The following EXOC7 variants were observed in gnomAD, a reference collection of about 807,000 sequenced individuals.
The protein encoded by EXOC7 is exocyst complex component Exo70.
In EXOC7, 51 loss-of-function variants were observed where a neutral mutation model predicts 87.6. That is an observed-to-expected ratio of 0.58 (90% CI 0.46 to 0.73). EXOC7 has a LOEUF of 0.73. Among genes scored for constraint, EXOC7 ranks in the 30% least tolerant of loss-of-function variants. The probability of loss-of-function intolerance (pLI) is 0.00; values close to 1 mark genes in which losing one functional copy is unlikely to be tolerated. For missense variants in EXOC7, 744 were observed against 888.4 expected, an observed-to-expected ratio of 0.84 and a Z score of 2.07; for synonymous variants, 327 against 357.1, an observed-to-expected ratio of 0.92 and a Z score of 0.95.
chr17:76,098,090 G>A (rs1236673845), intron 4 of EXOC7, 72 bp from the exon 5 acceptor site: 8 of 1,361,174 alleles, frequency 5.9e-6, no homozygotes, highest in Non-Finnish European at 8.3e-6. Flanking sequence ...TCCCCTGCCT[G>A]TGCCAGCTCT....
At chr17:76,090,407 T>A in intron 7 of EXOC7, 1 of 1,551,672 alleles carries the variant, frequency 6.4e-7, no homozygotes, top group East Asian at 2.4e-5. Context: ...CCTGGCGAGA[T>A]GTCGGCCGCA....
chr17:76,086,250 G>A, intron 12 of EXOC7, 105 bp from the exon 13 acceptor site: 1 of 1,086,080 alleles, frequency 9.2e-7, no homozygotes, highest in South Asian at 1.3e-5. Flanking sequence ...GACAGGCCCT[G>A]GGCTTCCTTG....
intron 2 of EXOC7, among the ~76,000 whole-genome samples, chr17:76,102,417 GACACACACACACACAC>G (rs3073225): frequency 1.3e-4 from 19 of 144,014 alleles, no homozygotes; most frequent in African/African-American, 2.6e-4. Context: ...TACACACACA[GACACACACACACACAC>G]ACACACACAC....
At chr17:76,086,964 C>T in intron 12 of EXOC7, 3 of 1,391,494 alleles carry the variant, frequency 2.2e-6, no homozygotes, top group Non-Finnish European at 3.0e-6. Flanking sequence ...ATGCAAAGTG[C>T]AAAAAACAGG....
At chr17:76,091,076 T>C (rs1276217965) in intron 7 of EXOC7, 67 bp downstream of exon 7, 3 of 1,435,728 alleles carry the variant, frequency 2.1e-6, no homozygotes, top group Non-Finnish European at 2.9e-6. Flanking sequence ...GGGGAGGCTC[T>C]GCCCTGCCAA....
In EXOC7 at chr17:76,090,297, C is replaced by T. The variant is rs1333090817; in HGVS notation, c.901+846G>A. 2.5e-5 allele frequency: 38 copies of T among 1,544,998 alleles called. No homozygotes were observed. The East Asian group carries it at 6.1e-4, about 25-fold the overall frequency. ...GGGACCGCTGCGAAGGCAGTGTCAG[C>T]GGCTGCCCTCGGGCTGGGCTGCGGT... On this transcript the variant is annotated intron_variant, in intron 7 of 18. Transcript: ENST00000589210.
intron 6 of EXOC7, chr17:76,093,489 G>C (rs1298057458): frequency 1.3e-5 from 2 of 152,830 alleles, no homozygotes; most frequent in Non-Finnish European, 2.9e-5. Flanking sequence ...GAAACCAAGG[G>C]TGTAAGTAAG....
In EXOC7 at chr17:76,087,695, A is replaced by G. The variant is rs1159031130; in HGVS notation, c.1388T>C (p.Leu463Ser). Residue 463 changes from leucine (L) to serine (S), a missense_variant, in exon 12 of 19, where the codon TTG becomes TCG. Around this residue, in one of 3 missense-constraint regions of EXOC7, gnomAD observed 228 missense variants for 298.6 expected, o/e 0.76. Coordinates refer to ENST00000589210, the MANE Select transcript of EXOC7 (RefSeq NM_001013839.4). ...SNAILFLQQL[L>S]DFQETAGAML... is the part of the protein sequence containing the mutation. ...GGCGCCTGCCGTCTCCTGGAAGTCC[A>G]AAAGCTGCTGCAGGAAGAGGATGGC... is the stretch of plus-strand genomic sequence containing the variant. 2 of 1,551,224 alleles carry G rather than the reference A, an allele frequency of 1.3e-6. No homozygotes were observed. The highest frequency in any genetic ancestry group is 2.7e-5 in the African/African-American group (2 of 73,060).
At position 76,097,829 on chromosome 17, in the gene EXOC7, A is replaced by C; in HGVS notation, c.607T>G (p.Ser203Ala). 6.2e-7 allele frequency: 1 copy of C among 1,613,184 alleles called. No homozygotes were observed. Among genetic ancestry groups the C allele is most frequent in the Non-Finnish European group, 8.5e-7 (1 of 1,179,724 alleles). Reference sequence around the variant, plus strand: ...CGGCCATATTCCACCAGCCAGCGGGAGATGCGAATGACATCCTGGAGCACG... The same window carrying C: ...CGGCCATATTCCACCAGCCAGCGGGCGATGCGAATGACATCCTGGAGCACG... Reference protein sequence around the residue: ...ESVLQDVIRISRWLVEYGRNQ... With the variant: ...ESVLQDVIRIARWLVEYGRNQ... Residue 203 changes from serine to alanine, a missense_variant, in exon 5 of 19, where the codon TCC becomes GCC. Physicochemically the swap from Ser to Ala is moderately conservative, Grantham distance 99. This residue lies in a region of EXOC7 where 512 missense variants were observed against 573.0 expected (regional missense o/e 0.89). Coordinates refer to ENST00000589210, the MANE Select transcript of EXOC7 (RefSeq NM_001013839.4).
rs1210058052 is a variant in EXOC7 at position 76,089,266 on chromosome 17, G to A, written c.956C>T (p.Ala319Val). 1.9e-6 allele frequency: 3 copies of A among 1,614,026 alleles called. No individual in the cohort carries two copies. The African/African-American group carries it at 4.0e-5, about 22-fold the overall frequency. The change falls in exon 8 of 19, where the codon GCC (alanine) becomes GTC (valine). Residue 319 changes from alanine (A) to valine (V), a missense_variant. Coordinates refer to ENST00000589210, the MANE Select transcript of EXOC7 (RefSeq NM_001013839.4). ...ETDAYIHCVS[A>V]FVKLAQSEYQ... ...CTCGCTCTGCGCCAGCTTGACGAAG[G>A]CACTGACGCAGTGGATGTAGGCATC...
At position 76,097,902 on chromosome 17, in the gene EXOC7, A is replaced by G. The variant is rs2067852781; in HGVS notation, c.534T>C (p.Asp178=). ...TCACGTCCTCCTGGGCCTCCAGATCATCGTCACCACTGATCAGATCCAAGA... is the reference window on the plus strand; with the variant it reads ...TCACGTCCTCCTGGGCCTCCAGATCGTCGTCACCACTGATCAGATCCAAGA... ...VLILDLISGD[D]DLEAQEDVTL... is the part of the protein sequence containing the mutation. Residue 178 remains aspartate, a synonymous_variant, in exon 5 of 19, where the codon GAT becomes GAC. Coordinates refer to ENST00000589210, the MANE Select transcript of EXOC7 (RefSeq NM_001013839.4). 6.2e-7 allele frequency: 1 copy of G among 1,613,916 alleles called. No individual in the cohort carries two copies. The highest frequency in any genetic ancestry group is 1.1e-5 in the South Asian group (1 of 91,076).
Position 76,097,845 on chromosome 17 carries a change from C to T in EXOC7, c.591G>A (p.Gln197=), listed in dbSNP as rs1368276604. 6.2e-7 allele frequency: 1 copy of T among 1,613,952 alleles called. No individual in the cohort carries two copies. The highest frequency in any genetic ancestry group is 1.7e-5 in the Admixed American group (1 of 59,990). Residue 197 remains glutamine (Q), a synonymous_variant, in exon 5 of 19, where the codon CAG becomes CAA. Transcript: ENST00000589210. ...TLEHLPESVL[Q]DVIRISRWLV... ...GCCAGCGGGAGATGCGAATGACATC[C>T]TGGAGCACGCTCTCGGGCAGGTGCT...
chr17:76,087,320 A>G (rs1265329951), intron 12 of EXOC7: 2 of 427,500 alleles, frequency 4.7e-6, no homozygotes, highest in East Asian at 8.9e-5. Flanking sequence ...CCTGATTAGG[A>G]GAGCAGGCAG....
At position 76,097,969 on chromosome 17, in the gene EXOC7, C is replaced by G. The variant is rs1477726884; in HGVS notation, c.467G>C (p.Ser156Thr). 1 of 1,614,134 alleles carries G rather than the reference C, an allele frequency of 6.2e-7. No homozygotes were observed. The part of the protein sequence containing the change: ...GKEALESEFR[S>T]LMTRHSKVVS... The stretch of plus-strand genomic sequence containing the variant: ...GACCTTACTGTGCCGCGTCATCAGG[C>G]TGCGAAATTCGGACTCCAGGGCCTC... The change falls in exon 5 of 19, where the codon AGC becomes ACC. Residue 156 changes from serine to threonine, a missense_variant. Around this residue, in one of 3 missense-constraint regions of EXOC7, gnomAD observed 512 missense variants for 573.0 expected, o/e 0.89. Coordinates refer to ENST00000589210, the MANE Select transcript of EXOC7 (RefSeq NM_001013839.4).
Position 76,090,615 on chromosome 17 carries a change from G to T in EXOC7, c.901+528C>A, listed in dbSNP as rs1345838933. On this transcript the variant is annotated intron_variant, in intron 7 of 18. Coordinates refer to ENST00000589210, the MANE Select transcript of EXOC7 (RefSeq NM_001013839.4). ...CTGACTTCAGTGAGCACCCAGGACC[G>T]TCCTTAGCTGCTCATTTCCCCGAGC... The T allele has an allele frequency of 5.2e-6, 4 of 774,904 alleles. No individual in the cohort carries two copies. The South Asian group carries it at 5.5e-5, about 11-fold the overall frequency. The allele number at this position is 774,904 out of a possible 1,614,324, so 48.0% of individuals were successfully genotyped here. A position where few individuals can be genotyped will look rare whatever the true frequency, so the allele number is the denominator to read the frequency against.
At chr17:76,085,261 G>C in intron 15 of EXOC7, 53 bp downstream of exon 15, 1 of 1,401,318 alleles carries the variant, frequency 7.1e-7, no homozygotes, top group Non-Finnish European at 9.8e-7. Flanking sequence ...AGAAGGAAGA[G>C]TGCGTGGTGG....
At chr17:76,094,952 T>C (rs1411755874) in intron 5 of EXOC7, among the ~76,000 whole-genome samples, 2 of 142,284 alleles carry the variant, frequency 1.4e-5, no homozygotes, top group African/African-American at 5.4e-5. Context: ...ATAGAACTGA[T>C]AATTAGTTGT....
At chr17:76,085,278 G>T (rs1487978314) in intron 15 of EXOC7, 36 bp downstream of exon 15, 20 of 1,502,882 alleles carry the variant, frequency 1.3e-5, no homozygotes, top group Non-Finnish European at 1.7e-5. Flanking sequence ...GTGGCACAGG[G>T]GCCCATGCAG....
chr17:76,081,240 C>T lies in EXOC7; in HGVS notation c.*2408G>A. ...CCCCCAGACTTGGCAGCTGGGATCT[C>T]TCCTTCCTGGTTCATAGTTCTCATT... On this transcript the variant is annotated 3_prime_UTR_variant, in exon 19 of 19. Coordinates refer to ENST00000589210, the MANE Select transcript of EXOC7 (RefSeq NM_001013839.4). The T allele has an allele frequency of 6.2e-7, 1 of 1,610,770 alleles. No individual in the cohort carries two copies. The highest frequency in any genetic ancestry group is 8.5e-7 in the Non-Finnish European group (1 of 1,178,902).
Sources: gnomAD v4.1 joint callset for allele counts (sites outside exome capture counted in the v4.1 genomes callset) on GRCh38, gnomAD v4.1.1 for gene constraint, gnomAD v4.1.1 regional missense constraint, MANE v1.5 for transcripts, NCBI Gene and HGNC (gene_info 2026-07-23, HGNC 2026-07-21) for gene names.